Variants in SPTBN4 observed in about 807,000 individuals in gnomAD.
SPTBN4 encodes spectrin beta, non-erythrocytic 4, also known as spectrin beta chain, non-erythrocytic 4.
In SPTBN4, 96 loss-of-function variants were observed where a neutral mutation model predicts 277.8. That is an observed-to-expected ratio of 0.35 (90% CI 0.29 to 0.41). SPTBN4 has a LOEUF of 0.41. Ranked by LOEUF, SPTBN4 falls within the 10% of genes least tolerant of loss-of-function variation. SPTBN4 has a pLI of 1.00. For missense variants in SPTBN4, 3,006 were observed against 3,595.7 expected (o/e 0.84, Z 4.19); for synonymous variants, 1,481 against 1,580.3 (o/e 0.94, Z 1.49).
In SPTBN4 at chr19:40,560,371, C is replaced by A; in HGVS notation, c.5883C>A (p.Ile1961=). 6.2e-7 allele frequency: 1 copy of A among 1,614,006 alleles called. No homozygotes were observed. The highest frequency in any genetic ancestry group is 8.5e-7 in the Non-Finnish European group (1 of 1,180,034). ...VRDLLSWMDG[I]ASQIGAADKP... ...ACCTGCTCTCCTGGATGGATGGCAT[C>A]GCCAGCCAGATTGGGGCAGCCGACA... The change falls in exon 27 of 36, where the codon ATC becomes ATA. Residue 1961 remains isoleucine, a synonymous_variant. Transcript: ENST00000598249. The surrounding 1 kb of genome is among the most constrained non-coding windows in gnomAD (Gnocchi z 5.2).
rs948964362 is a variant in SPTBN4 at position 40,503,585 on chromosome 19, T to TG, written c.1363-239dup. 2.4e-4 allele frequency among the ~76,000 whole-genome samples: 9 copies of TG among 37,892 alleles called. No individual in the cohort carries two copies. The South Asian group carries it at 2.8e-3, about 12-fold the overall frequency. 24.9% of individuals were successfully genotyped at this position (37,892 alleles called of 152,430 possible). ...GGCTGGTCTCCAGGGCAACAGGGGA[T>TG]GGGGGGTTGGTCTTTAGGGTAACTG... On this transcript the variant is annotated intron_variant, in intron 11 of 35. Transcript: ENST00000598249.
intron 20 of SPTBN4, among the ~76,000 whole-genome samples, chr19:40,539,328 A>T (rs1475724348): frequency 6.6e-6 from 1 of 152,046 alleles, no homozygotes; most frequent in Non-Finnish European, 1.5e-5. Context: ...CTCAATGCTC[A>T]CCCCCTGGTG....
At chr19:40,550,355 T>G in intron 22 of SPTBN4, 28 bp downstream of exon 22, 1 of 1,597,058 alleles carries the variant, frequency 6.3e-7, no homozygotes, top group Non-Finnish European at 8.5e-7. Context: ...AGGGAGCGAG[T>G]TAGGACATTT....
In SPTBN4 at chr19:40,502,518, G is replaced by A; in HGVS notation, c.1203+11G>A. 1 of 1,605,910 alleles carries A rather than the reference G, an allele frequency of 6.2e-7. No homozygotes were observed. Among genetic ancestry groups the A allele is most frequent in the South Asian group, 1.1e-5 (1 of 89,938 alleles). Reference sequence around the variant, plus strand: ...TGGGATATTGACAAGGTGAGGCCGGGGATGCAGGGGAGAGGCGGGGTTGCA... The same window carrying A: ...TGGGATATTGACAAGGTGAGGCCGGAGATGCAGGGGAGAGGCGGGGTTGCA... On this transcript the variant is annotated intron_variant, in intron 10 of 35. Transcript: ENST00000598249. The surrounding 1 kb of genome is among the most constrained non-coding windows in gnomAD (Gnocchi z 4.9).
At chr19:40,506,798 A>C (rs1245870715) in intron 13 of SPTBN4, among the ~76,000 whole-genome samples, 2 of 152,052 alleles carry the variant, frequency 1.3e-5, no homozygotes, top group Non-Finnish European at 2.9e-5. Flanking sequence ...GCCAACATAG[A>C]AAGACATCAT....
chr19:40,551,399 T>TCACACA (rs71173651), intron 22 of SPTBN4, among the ~76,000 whole-genome samples: 41 of 140,482 alleles, frequency 2.9e-4, no homozygotes, highest in African/African-American at 1.1e-3. Flanking sequence ...TCTCTCTCTC[T>TCACACA]CACACACACA....
chr19:40,557,974 A>T (rs1339162477), intron 26 of SPTBN4, among the ~76,000 whole-genome samples: 2 of 151,952 alleles, frequency 1.3e-5, no homozygotes, highest in Admixed American at 1.3e-4. Flanking sequence ...GGTTCTCCTA[A>T]AACTGTGAGT....
intron 20 of SPTBN4, among the ~76,000 whole-genome samples, chr19:40,545,902 G>T (rs1362845960): frequency 1.3e-5 from 2 of 152,096 alleles, no homozygotes; most frequent in African/African-American, 4.8e-5. Context: ...AATTAGTCAG[G>T]CGTGGTGGTG....
chr19:40,549,142 A>T (rs893884208), intron 20 of SPTBN4, 47 bp from the exon 21 acceptor site: 89 of 1,471,170 alleles, frequency 6.0e-5, no homozygotes, highest in Middle Eastern at 2.1e-4. Flanking sequence ...CCACAGCAGG[A>T]TCAGGAGGGC....
intron 20 of SPTBN4, among the ~76,000 whole-genome samples, chr19:40,546,049 C>CAAAAAAA: frequency 1.1e-5 from 1 of 91,784 alleles, no homozygotes; most frequent in Non-Finnish European, 2.1e-5. Flanking sequence ...GACTCTGCCT[C>CAAAAAAA]AAAAAAAAAA....
At chr19:40,556,996 A>AACCCCCCCCCCCC in intron 25 of SPTBN4, 27 bp from the exon 26 acceptor site, 1 of 1,363,604 alleles carries the variant, frequency 7.3e-7, no homozygotes, top group Non-Finnish European at 9.8e-7. Context: ...ACTTTGCTGT[A>AACCCCCCCCCCCC]CCCCCCCCCC....
chr19:40,484,946 ACAAAAAC>A (rs112257699), intron 2 of SPTBN4, among the ~76,000 whole-genome samples: 38,954 of 150,372 alleles, frequency 0.26, 7,277 homozygotes, highest in African/African-American at 0.54. Flanking sequence ...AAAAAACAAA[ACAAAAAC>A]CAAAAAACAA....
intron 1 of SPTBN4, among the ~76,000 whole-genome samples, chr19:40,471,487 C>T (rs1230810114): frequency 1.3e-5 from 2 of 152,208 alleles, no homozygotes; most frequent in African/African-American, 4.8e-5. Flanking sequence ...CTAATAATAA[C>T]AGTGACAATT....
chr19:40,515,899 CAAAATATATATAT>C lies in SPTBN4; in HGVS notation c.2903+453_2903+465del, dbSNP rs2080449265. On this transcript the variant is annotated intron_variant, in intron 15 of 35. Transcript: ENST00000598249. The surrounding 1 kb of genome is among the most constrained non-coding windows in gnomAD (Gnocchi z 4.1). ...ACACACACACACACACACACACACA[CAAAATATATATAT>C]ACACACACATATATATACACACATA... Among the ~76,000 whole-genome samples the C allele has an allele frequency of 7.3e-6, 1 of 137,042 alleles. No homozygotes were observed. Among genetic ancestry groups the C allele is most frequent in the African/African-American group, 3.0e-5 (1 of 32,874 alleles). 89.9% of individuals were successfully genotyped at this position (137,042 alleles called of 152,430 possible).
rs373647666 is a variant in SPTBN4 at position 40,575,585 on chromosome 19, A to G, written c.*16A>G. 2 of 1,602,006 alleles carry G rather than the reference A, an allele frequency of 1.2e-6. No homozygotes were observed. Among genetic ancestry groups the G allele is most frequent in the African/African-American group, 2.7e-5 (2 of 74,738 alleles). ...CAGGAAGTGACTTCCCACCCCCAGG[A>G]CCTGACACATCTCGTCTCCCCTCTT... On this transcript the variant is annotated 3_prime_UTR_variant, in exon 36 of 36. Transcript: ENST00000598249.
chr19:40,471,763 G>A (rs2079886350), intron 1 of SPTBN4, among the ~76,000 whole-genome samples: 1 of 152,036 alleles, frequency 6.6e-6, no homozygotes, highest in Non-Finnish European at 1.5e-5. Context: ...TTAAAAGACA[G>A]TTTCTGGCTC....
At chr19:40,506,092 T>C in intron 12 of SPTBN4, 144 bp from the exon 13 acceptor site, 1 of 1,106,424 alleles carries the variant, frequency 9.0e-7, no homozygotes, top group Non-Finnish European at 1.2e-6. Flanking sequence ...GGTAAGAGAG[T>C]CTTGAGGCTG....
intron 18 of SPTBN4, 85 bp downstream of exon 18, chr19:40,529,216 G>A (rs1320566914): frequency 2.3e-6 from 3 of 1,300,902 alleles, no homozygotes; most frequent in Admixed American, 3.6e-5. Context: ...GGGTGGGGAC[G>A]CCCCGTCTAA....
chr19:40,568,884 C>A (rs2081122812), intron 31 of SPTBN4, among the ~76,000 whole-genome samples: 1 of 152,198 alleles, frequency 6.6e-6, no homozygotes, highest in Non-Finnish European at 1.5e-5. Context: ...CTTCTTGATT[C>A]TTTTTAAATT....
Sources: allele counts gnomAD v4.1 joint callset (sites outside exome capture counted in the v4.1 genomes callset), GRCh38; gene constraint gnomAD v4.1.1; non-coding constraint Gnocchi (gnomAD v3.1); transcripts MANE v1.5; gene names NCBI Gene and HGNC (gene_info 2026-07-23, HGNC 2026-07-21).